MRI1: variants seen among roughly 807,000 people sequenced by gnomAD.
MRI1 encodes methylthioribose-1-phosphate isomerase 1, also known as methylthioribose-1-phosphate isomerase.
MRI1 carries 32 observed loss-of-function variants against 27.3 expected under a neutral mutation model. The ratio of observed to expected loss-of-function variants is 1.17; its 90% CI spans 0.88 to 1.57. The LOEUF is 1.57. Ranked by LOEUF, MRI1 falls within the 40% of genes most tolerant of loss-of-function variation. MRI1 has a pLI of 0.00. For missense variants in MRI1, 508 were observed against 516.1 expected, an observed-to-expected ratio of 0.98 and a Z score of 0.15; for synonymous variants, 216 against 227.4, an observed-to-expected ratio of 0.95 and a Z score of 0.45.
chr19:13,768,330 G>A (rs1351034746), intron 3 of MRI1: 5 of 1,083,932 alleles, frequency 4.6e-6, no homozygotes, highest in Non-Finnish European at 2.8e-6. Flanking sequence ...ATCAGGGAAG[G>A]CTTCACCGAG....
rs776363984 is a variant in MRI1 at position 13,769,001 on chromosome 19, CG to C, written c.905del (p.Gly302AlafsTer4). On this transcript the variant is annotated frameshift_variant, in exon 5 of 6. Transcript: ENST00000040663. LOFTEE classifies it high-confidence loss of function. ...TGKEIIIEER[P>X]GQELTDVNGV... The stretch of plus-strand genomic sequence containing the variant: ...AAGGAGATCATTATTGAAGAGCGAC[CG>C]GGCCAGGAGCTGACCGATGTTAATG... 3 of 1,613,774 alleles carry C rather than the reference CG, an allele frequency of 1.9e-6. No homozygotes were observed. The highest frequency in any genetic ancestry group is 2.5e-6 in the Non-Finnish European group (3 of 1,179,912).
At position 13,764,912 on chromosome 19, in the gene MRI1, C is replaced by T; in HGVS notation, c.174C>T (p.Ser58=). Residue 58 remains serine, a synonymous_variant, in exon 2 of 6, where the codon AGC becomes AGT. Coordinates refer to ENST00000040663, the MANE Select transcript of MRI1 (RefSeq NM_001031727.4). ...APAIALVGCL[S]LAVELQAGAG... Reference sequence around the variant, plus strand: ...CCATAGCCCTGGTGGGCTGTCTCAGCCTCGCCGTGGAGCTGCAGGCGGGCG... The same window carrying T: ...CCATAGCCCTGGTGGGCTGTCTCAGTCTCGCCGTGGAGCTGCAGGCGGGCG... 6.8e-7 allele frequency: 1 copy of T among 1,479,574 alleles called. No homozygotes were observed. Among genetic ancestry groups the T allele is most frequent in the Admixed American group, 2.2e-5 (1 of 45,798 alleles). The allele number at this position is 1,479,574 out of a possible 1,614,324, so 91.7% of individuals were successfully genotyped here.
intron 3 of MRI1, among the ~76,000 whole-genome samples, chr19:13,766,808 A>G: frequency 6.6e-6 from 1 of 151,950 alleles, no homozygotes; most frequent in East Asian, 1.9e-4. Context: ...GGGACGCAGC[A>G]GTGAACAAAA....
chr19:13,766,222 C>T (rs571635711), intron 3 of MRI1, 93 bp downstream of exon 3: 1 of 1,233,300 alleles, frequency 8.1e-7, no homozygotes, highest in Non-Finnish European at 1.1e-6. Context: ...ACTTTATCCA[C>T]AAAAAAAATG....
chr19:13,764,725 AGCGGGGCG>A lies in MRI1; in HGVS notation c.133-71_133-64del, dbSNP rs71170559. 6,741 of 1,236,474 alleles carry A rather than the reference AGCGGGGCG, an allele frequency of 5.5e-3. 205 individuals carry two copies. Among genetic ancestry groups the A allele is most frequent in the Admixed American group, 0.041 (1,072 of 26,334 alleles). The allele number at this position is 1,236,474 out of a possible 1,614,324, so 76.6% of individuals were successfully genotyped here. A position where few individuals can be genotyped will look rare whatever the true frequency, so the allele number is the denominator to read the frequency against. ...GAGGCCATCCGCGCCATGAAGGTGC[AGCGGGGCG>A]GCGGGGCGGCGGGGCGGCGGGGCGG... is the stretch of plus-strand genomic sequence containing the variant. On this transcript the variant is annotated splice_donor_region_variant and intron_variant, in intron 1 of 5. Coordinates refer to ENST00000040663, the MANE Select transcript of MRI1 (RefSeq NM_001031727.4).
chr19:13,766,608 G>C (rs1974130180), intron 3 of MRI1, among the ~76,000 whole-genome samples: 1 of 152,140 alleles, frequency 6.6e-6, no homozygotes, highest in Non-Finnish European at 1.5e-5. Flanking sequence ...GACAGGGGGA[G>C]TGGGCTGTAG....
intron 5 of MRI1, among the ~76,000 whole-genome samples, chr19:13,770,892 AAAAG>A (rs1974255490): frequency 6.6e-6 from 1 of 151,398 alleles, no homozygotes; most frequent in Non-Finnish European, 1.5e-5. Context: ...TCAAAGAAAA[AAAAG>A]AAAAAACAGT....
chr19:13,764,552 G>C lies in MRI1; in HGVS notation c.-37G>C, dbSNP rs200149723. 2.5e-6 allele frequency: 4 copies of C among 1,597,320 alleles called. No individual in the cohort carries two copies. Among genetic ancestry groups the C allele is most frequent in the Non-Finnish European group, 3.4e-6 (4 of 1,173,172 alleles). On this transcript the variant is annotated 5_prime_UTR_variant, in exon 1 of 6. Transcript: ENST00000040663. ...GCTCCCAAGTGCGCGCGGACCCCTA[G>C]CTCCCTCTGAGTTGCGCTGGGCTTG...
chr19:13,764,603 G>T lies in MRI1; in HGVS notation c.15G>T (p.Ala5=), dbSNP rs370106395. The T allele has an allele frequency of 1.1e-5, 17 of 1,609,162 alleles. No individual in the cohort carries two copies. The highest frequency in any genetic ancestry group is 1.4e-5 in the Non-Finnish European group (17 of 1,179,150). The change falls in exon 1 of 6, where the codon GCG becomes GCT. Residue 5 remains alanine, a synonymous_variant. Coordinates refer to ENST00000040663, the MANE Select transcript of MRI1 (RefSeq NM_001031727.4). ...GCTGCTGCACCATGACCCTGGAGGC[G>T]ATCCGCTACTCGCGGGGCTCCCTGC... MTLE[A]IRYSRGSLQI...
chr19:13,772,355 C>T lies in MRI1; in HGVS notation c.*74C>T, dbSNP rs1004199440. 14 of 1,439,236 alleles carry T rather than the reference C, an allele frequency of 9.7e-6. No homozygotes were observed. The highest frequency in any genetic ancestry group is 1.8e-4 in the Middle Eastern group (1 of 5,622). The allele number at this position is 1,439,236 out of a possible 1,614,324, so 89.2% of individuals were successfully genotyped here. On this transcript the variant is annotated 3_prime_UTR_variant, in exon 6 of 6. Coordinates refer to ENST00000040663, the MANE Select transcript of MRI1 (RefSeq NM_001031727.4). ...CTTGAATGGCTACCCAAAAGCTGAC[C>T]GTCCAGCCCCTGACCACACTTGTTC...
At chr19:13,764,821 G>T in intron 1 of MRI1, 50 bp from the exon 2 acceptor site, 1 of 1,263,920 alleles carries the variant, frequency 7.9e-7, no homozygotes, top group Non-Finnish European at 9.9e-7. Context: ...GTTGGAGGTG[G>T]GAGTGCGCCC....
chr19:13,764,576 T>G lies in MRI1; in HGVS notation c.-13T>G, dbSNP rs1344801121. ...AGCTCCCTCTGAGTTGCGCTGGGCT[T>G]GGCTGCTGCACCATGACCCTGGAGG... On this transcript the variant is annotated 5_prime_UTR_variant, in exon 1 of 6. Transcript: ENST00000040663. 6.2e-7 allele frequency: 1 copy of G among 1,605,858 alleles called. No individual in the cohort carries two copies. Among genetic ancestry groups the G allele is most frequent in the Non-Finnish European group, 8.5e-7 (1 of 1,177,422 alleles).
intron 2 of MRI1, 55 bp from the exon 3 acceptor site, chr19:13,765,899 T>C: frequency 6.5e-7 from 1 of 1,536,534 alleles, no homozygotes. Context: ...AGAGGAGGCG[T>C]TGGCCTGGGC....
In MRI1 at chr19:13,772,219, C is replaced by T. The variant is rs576589138; in HGVS notation, c.1048C>T (p.Arg350Trp). ...GGGGGTCTTTGCCCCTGAGGAGCTCCGGACAGCCCTAACCACCACCATCTC... is the reference window on the plus strand; with the variant it reads ...GGGGGTCTTTGCCCCTGAGGAGCTCTGGACAGCCCTAACCACCACCATCTC... ...ELGVFAPEELRTALTTTISSR... is the reference protein window; with the variant it reads ...ELGVFAPEELWTALTTTISSR... Residue 350 changes from arginine to tryptophan, a missense_variant, in exon 6 of 6, where the codon CGG (arginine) becomes TGG (tryptophan). This residue lies in a region of MRI1 where 457 missense variants were observed against 452.8 expected (regional missense o/e 1.01). Transcript: ENST00000040663. The T allele has an allele frequency of 8.4e-5, 136 of 1,613,954 alleles. No homozygotes were observed. The highest frequency in any genetic ancestry group is 1.1e-4 in the Non-Finnish European group (131 of 1,179,998).
intron 3 of MRI1, 150 bp downstream of exon 3, chr19:13,766,279 G>A (rs989502897): frequency 4.8e-6 from 3 of 626,974 alleles, no homozygotes; most frequent in Admixed American, 3.7e-5. Context: ...GTTGGCTTCA[G>A]GTATGGCAAG....
In MRI1 at chr19:13,768,884, C is replaced by G. The variant is rs754785191; in HGVS notation, c.785C>G (p.Thr262Ser). The change falls in exon 5 of 6, where the codon ACC (threonine) becomes AGC (serine). Residue 262 changes from threonine (T) to serine (S), a missense_variant. Thr to Ser is a moderately conservative substitution (Grantham distance 58). Transcript: ENST00000040663. Reference sequence around the variant, plus strand: ...GGCGACACAGCCAACAAGGTGGGCACCTACCAGCTGGCCATTGTCGCCAAG... The same window carrying G: ...GGCGACACAGCCAACAAGGTGGGCAGCTACCAGCTGGCCATTGTCGCCAAG... ...ANGDTANKVG[T>S]YQLAIVAKHH... 6.2e-7 allele frequency: 1 copy of G among 1,613,918 alleles called. No homozygotes were observed. The highest frequency in any genetic ancestry group is 8.5e-7 in the Non-Finnish European group (1 of 1,179,894).
rs1276826090 is a variant in MRI1, at chr19:13,765,989, A to G, written c.407A>G (p.Asp136Gly). 4 of 1,610,848 alleles carry G rather than the reference A, an allele frequency of 2.5e-6. No homozygotes were observed. The highest frequency in any genetic ancestry group is 2.5e-6 in the Non-Finnish European group (3 of 1,178,666). The change falls in exon 3 of 6, where the codon GAC becomes GGC. Residue 136 changes from aspartate (D) to glycine (G), a missense_variant. This residue lies in a region of MRI1 where 457 missense variants were observed against 452.8 expected (regional missense o/e 1.01). Coordinates refer to ENST00000040663, the MANE Select transcript of MRI1 (RefSeq NM_001031727.4). ...ICCTEDMLEK[D>G]LRDNRSIGDL... Reference sequence around the variant, plus strand: ...TGCACCGAGGACATGCTGGAGAAAGACCTCAGAGACAACCGAAGCATTGGG... The same window carrying G: ...TGCACCGAGGACATGCTGGAGAAAGGCCTCAGAGACAACCGAAGCATTGGG...
rs968010573 is a variant in MRI1, at chr19:13,773,325, A to T, written c.*1044A>T. On this transcript the variant is annotated 3_prime_UTR_variant, in exon 6 of 6. Transcript: ENST00000040663. ...GCCTGACCTTACAGCAGTATTTTTT[A>T]AAAATCAAAATTAATGCAAAAATCC... 4 of 152,000 alleles carry T rather than the reference A, an allele frequency of 2.6e-5. No homozygotes were observed. Among genetic ancestry groups the T allele is most frequent in the African/African-American group, 9.7e-5 (4 of 41,402 alleles). The allele number at this position is 152,000 out of a possible 1,614,324, so 9.4% of individuals were successfully genotyped here. A position where few individuals can be genotyped will look rare whatever the true frequency, so the allele number is the denominator to read the frequency against.
chr19:13,767,031 ATATATATTTTTTTTTTTTTTTTT>A (rs1398899518), intron 3 of MRI1, among the ~76,000 whole-genome samples: 3 of 29,096 alleles, frequency 1.0e-4, no homozygotes, highest in African/African-American at 4.4e-4. Flanking sequence ...ATATATATAT[ATATATATTTTTTTTTTTTTTTTT>A]TTTTTTTTTT....
Sources: gnomAD v4.1 joint callset for allele counts (sites outside exome capture counted in the v4.1 genomes callset) on GRCh38, gnomAD v4.1.1 for gene constraint, gnomAD v4.1.1 regional missense constraint, MANE v1.5 for transcripts, NCBI Gene and HGNC (gene_info 2026-07-23, HGNC 2026-07-21) for gene names.